The following ZNF883 variants were observed in gnomAD, a reference collection of about 807,000 sequenced individuals.
The protein encoded by ZNF883 is zinc finger protein 883.
downstream of ZNF883, chr9:112,996,969 C>A: frequency 1.5e-6 from 1 of 645,788 alleles, no homozygotes; most frequent in Non-Finnish European, 2.4e-6. Flanking sequence ...AGATTATAAG[C>A]ATAGTCCTTC....
At chr9:112,989,151 T>C (rs1461711426) in intron 1 of ZNF883, among the ~76,000 whole-genome samples, 1 of 152,236 alleles carries the variant, frequency 6.6e-6, no homozygotes, top group African/African-American at 2.4e-5. Flanking sequence ...CATTTGTCAA[T>C]TTTTGCTTTT....
intron 2 of ZNF883, among the ~76,000 whole-genome samples, chr9:113,009,097 CTA>C (rs1419406936): frequency 6.6e-6 from 1 of 152,186 alleles, no homozygotes; most frequent in Non-Finnish European, 1.5e-5. Flanking sequence ...ACCCTATACT[CTA>C]TTCTCAACAG....
upstream of ZNF883, among the ~76,000 whole-genome samples, chr9:113,000,568 T>TA (rs1256425119): frequency 6.6e-6 from 1 of 151,636 alleles, no homozygotes; most frequent in Non-Finnish European, 1.5e-5. Context: ...AGATAAGACA[T>TA]AAAAAAGAAG....
upstream of ZNF883, chr9:112,998,389 T>C (rs1828387679): frequency 2.9e-6 from 2 of 690,176 alleles, no homozygotes; most frequent in African/African-American, 1.9e-5. Context: ...TTATATCTAA[T>C]AAATTATTTT....
At chr9:112,988,420 A>G (rs1828272834) in intron 1 of ZNF883, among the ~76,000 whole-genome samples, 1 of 152,156 alleles carries the variant, frequency 6.6e-6, no homozygotes, top group Non-Finnish European at 1.5e-5. Flanking sequence ...TTCCTGTGTT[A>G]GTTTGCTGAG....
At chr9:112,998,149 TC>T (rs1828384145) in exon 1 of ZNF883, 1 of 1,613,824 alleles carries the variant, frequency 6.2e-7, no homozygotes, top group Admixed American at 1.7e-5. Flanking sequence ...AAGGTTTTTC[TC>T]CAATATGTGT....
At chr9:112,995,541 C>A (rs1828343606), downstream of ZNF883, among the ~76,000 whole-genome samples, 1 of 150,990 alleles carries the variant, frequency 6.6e-6, no homozygotes, top group South Asian at 2.1e-4. Flanking sequence ...ACTTTCCTTT[C>A]TCTCTCTCTC....
chr9:112,989,191 G>A (rs1828279763), intron 1 of ZNF883, among the ~76,000 whole-genome samples: 1 of 152,164 alleles, frequency 6.6e-6, no homozygotes, highest in Non-Finnish European at 1.5e-5. Context: ...TTTTCATCAT[G>A]AAATCTTGCC....
At chr9:113,008,376 G>C (rs1329305879) in intron 2 of ZNF883, among the ~76,000 whole-genome samples, 1 of 152,120 alleles carries the variant, frequency 6.6e-6, no homozygotes, top group Admixed American at 6.5e-5. Context: ...TGAGACAAGG[G>C]TTTGGGAGGG....
At chr9:112,996,838 C>T (rs1443576260), downstream of ZNF883, among the ~76,000 whole-genome samples, 1 of 120,720 alleles carries the variant, frequency 8.3e-6, no homozygotes. Context: ...TTTTTATAAG[C>T]AAATATATAC....
rs964900622 is a variant in ZNF883, at chr9:113,006,716, G to A, written n.165+4425C>T. On this transcript the variant is annotated intron_variant and non_coding_transcript_variant, in intron 2 of 4. Coordinates refer to the ZNF883 transcript ENST00000638622. Reference sequence around the variant, plus strand: ...GCCATATAAACTTCAGAATTTGATAGGATTTGGGTACCTATCTAATACCCA... The same window carrying A: ...GCCATATAAACTTCAGAATTTGATAAGATTTGGGTACCTATCTAATACCCA... Among the ~76,000 whole-genome samples the A allele has an allele frequency of 2.0e-4, 31 of 152,062 alleles. 1 individual carries two copies. Among genetic ancestry groups the A allele is most frequent in the Non-Finnish European group, 1.5e-5 (1 of 68,024 alleles).
intron 2 of ZNF883, among the ~76,000 whole-genome samples, chr9:113,004,305 T>A (rs1828454724): frequency 6.6e-6 from 1 of 152,256 alleles, no homozygotes; most frequent in Non-Finnish European, 1.5e-5. Context: ...AAATTTATAT[T>A]GTTTTAAGTT....
chr9:113,001,145 TC>T (rs1157349476), upstream of ZNF883, among the ~76,000 whole-genome samples: 1 of 151,952 alleles, frequency 6.6e-6, no homozygotes, highest in Non-Finnish European at 1.5e-5. Flanking sequence ...AAGACAAGAA[TC>T]TAACTCCAAA....
intron 2 of ZNF883, among the ~76,000 whole-genome samples, chr9:113,008,119 ATTAG>A (rs1448185083): frequency 6.6e-6 from 1 of 152,226 alleles, no homozygotes; most frequent in Non-Finnish European, 1.5e-5. Context: ...ATAAGAATGT[ATTAG>A]TTTTTAATCA....
In ZNF883 at chr9:113,011,836, A is replaced by C. The variant is rs888081912; in HGVS notation, n.78+314T>G. 7.9e-5 allele frequency among the ~76,000 whole-genome samples: 12 copies of C among 152,262 alleles called. No individual in the cohort carries two copies. The East Asian group carries it at 2.3e-3, about 29-fold the overall frequency. ...CCCCATCACAGTCAAAGCAAGGCCC[A>C]AAAGCTCTGAGCTCTGTTCTCATGA... On this transcript the variant is annotated intron_variant and non_coding_transcript_variant, in intron 1 of 4. Transcript: ENST00000638622.
chr9:112,999,010 C>G (rs1828394880), upstream of ZNF883: 1 of 151,986 alleles, frequency 6.6e-6, no homozygotes, highest in African/African-American at 2.4e-5. Flanking sequence ...TAGGAACCAT[C>G]ATTTGAAAAA....
chr9:113,002,877 T>G (rs1210844599), upstream of ZNF883, among the ~76,000 whole-genome samples: 1 of 152,190 alleles, frequency 6.6e-6, no homozygotes, highest in Admixed American at 6.5e-5. Flanking sequence ...GTTTGTTCCC[T>G]TCCATGTTTT....
chr9:113,000,461 T>G (rs1461629433), upstream of ZNF883, among the ~76,000 whole-genome samples: 1 of 152,004 alleles, frequency 6.6e-6, no homozygotes, highest in Non-Finnish European at 1.5e-5. Context: ...CTGTGTAAAA[T>G]GAATAAAAGA....
downstream of ZNF883, among the ~76,000 whole-genome samples, chr9:112,995,231 G>T (rs1828339346): frequency 6.6e-6 from 1 of 152,106 alleles, no homozygotes; most frequent in South Asian, 2.1e-4. Flanking sequence ...TTCTCTCCCT[G>T]CCTGTCTTCA....
Sources: gnomAD v4.1 joint callset for allele counts (sites outside exome capture counted in the v4.1 genomes callset) on GRCh38, gnomAD v4.1.1 for gene constraint, MANE v1.5 for transcripts, NCBI Gene and HGNC (gene_info 2026-07-23, HGNC 2026-07-21) for gene names.